The following LMBRD1 variants were observed in gnomAD, a reference collection of about 807,000 sequenced individuals.
LMBRD1 encodes the protein LMBR1 domain containing 1.
In LMBRD1, 64 loss-of-function variants were observed where a neutral mutation model predicts 74.8. The ratio of observed to expected loss-of-function variants is 0.86; its 90% CI spans 0.70 to 1.05. The LOEUF (loss-of-function observed/expected upper bound fraction) is 1.05. Among genes scored for constraint, LMBRD1 ranks in the 50% least tolerant of loss-of-function variants. The pLI, the probability that LMBRD1 is intolerant of heterozygous loss-of-function variation, is 0.00. For synonymous variants in LMBRD1, 204 were observed against 216.3 expected, an observed-to-expected ratio of 0.94 and a Z score of 0.50; for missense variants, 652 against 645.9, an observed-to-expected ratio of 1.01 and a Z score of -0.10.
intron 3 of LMBRD1, among the ~76,000 whole-genome samples, chr6:69,768,588 A>G (rs934130101): frequency 2.0e-5 from 3 of 152,048 alleles, no homozygotes; most frequent in African/African-American, 7.2e-5. Context: ...ATTACTTTAT[A>G]CAATCTTAAA....
Position 69,796,930 on chromosome 6 carries a change from G to GAGGGGGAAA in LMBRD1, c.-58_-50dup. The stretch of plus-strand genomic sequence containing the variant: ...CTGAGCGCCCGGGGTGGGGAAAGGG[G>GAGGGGGAAA]AGGGGGAAAGGGGAGAGAGCGCGAG... On this transcript the variant is annotated 5_prime_UTR_variant, in exon 1 of 16. Coordinates refer to ENST00000649934, the MANE Select transcript of LMBRD1 (RefSeq NM_018368.4). 6.5e-7 allele frequency: 1 copy of GAGGGGGAAA among 1,527,370 alleles called. No homozygotes were observed. Among genetic ancestry groups the GAGGGGGAAA allele is most frequent in the Non-Finnish European group, 9.0e-7 (1 of 1,106,748 alleles). The allele number at this position is 1,527,370 out of a possible 1,614,324, so 94.6% of individuals were successfully genotyped here.
At chr6:69,725,943 G>A (rs1206400172) in intron 7 of LMBRD1, among the ~76,000 whole-genome samples, 2 of 152,170 alleles carry the variant, frequency 1.3e-5, no homozygotes, top group Non-Finnish European at 1.5e-5. Flanking sequence ...ACACAATTAG[G>A]AGACAAGGCA....
chr6:69,737,989 T>C lies in LMBRD1; in HGVS notation c.589A>G (p.Ile197Val), dbSNP rs1161598786. 5 of 1,610,434 alleles carry C rather than the reference T, an allele frequency of 3.1e-6. No individual in the cohort carries two copies. Among genetic ancestry groups the C allele is most frequent in the East Asian group, 4.5e-5 (2 of 44,628 alleles). ...ATTCCAATCAAGGTCAGAGAACTGA[T>C]AGAAAATGACAATGCAGCTAAACCA... Reference protein sequence around the residue: ...SHGLAALSFSISSLTLIGMLA... With the variant: ...SHGLAALSFSVSSLTLIGMLA... Residue 197 changes from isoleucine to valine, a missense_variant, in exon 7 of 16, where the codon ATC becomes GTC. Coordinates refer to ENST00000649934, the MANE Select transcript of LMBRD1 (RefSeq NM_018368.4).
chr6:69,741,990 A>C, intron 5 of LMBRD1, 113 bp from the exon 6 acceptor site: 1 of 673,410 alleles, frequency 1.5e-6, no homozygotes, highest in Non-Finnish European at 2.6e-6. Flanking sequence ...AATCTGTACT[A>C]TGCACAGAGG....
At position 69,775,020 on chromosome 6, in the gene LMBRD1, AGG is replaced by A. The variant is rs1562121864; in HGVS notation, c.307+5472_307+5473del. ...GAGGGAGGGAGGGAGGGAGGGAGGG[AGG>A]GAGGGAGGGAGGGAAGGAAGGAAAA... On this transcript the variant is annotated intron_variant, in intron 3 of 15. Coordinates refer to ENST00000649934, the MANE Select transcript of LMBRD1 (RefSeq NM_018368.4). 1.4e-4 allele frequency among the ~76,000 whole-genome samples: 13 copies of A among 95,330 alleles called. 1 individual carries two copies. Among genetic ancestry groups the A allele is most frequent in the African/African-American group, 4.0e-4 (11 of 27,412 alleles). The allele number at this position is 95,330 out of a possible 152,430, so 62.5% of individuals were successfully genotyped here. A position where few individuals can be genotyped will look rare whatever the true frequency, so the allele number is the denominator to read the frequency against.
intron 5 of LMBRD1, among the ~76,000 whole-genome samples, chr6:69,745,448 C>T (rs903037990): frequency 4.0e-5 from 6 of 149,348 alleles, no homozygotes; most frequent in South Asian, 2.1e-4. Context: ...TTAGTAGAGA[C>T]GGGGTTTCAC....
At chr6:69,676,992 T>C (rs572679674) in intron 14 of LMBRD1, among the ~76,000 whole-genome samples, 2 of 152,274 alleles carry the variant, frequency 1.3e-5, no homozygotes, top group African/African-American at 4.8e-5. Flanking sequence ...TCCTCACCCA[T>C]TGTAAGTTTC....
intron 14 of LMBRD1, among the ~76,000 whole-genome samples, chr6:69,687,886 G>A (rs1022871188): frequency 4.6e-5 from 7 of 151,904 alleles, no homozygotes; most frequent in African/African-American, 7.3e-5. Flanking sequence ...ATGTTCTTCC[G>A]TCTAAAGAAC....
intron 12 of LMBRD1, 96 bp from the exon 13 acceptor site, chr6:69,699,288 A>T: frequency 9.3e-7 from 1 of 1,073,166 alleles, no homozygotes; most frequent in Non-Finnish European, 1.4e-6. Context: ...TACACAGTTC[A>T]ATCAACCATT....
chr6:69,789,559 TA>T (rs1352008489), intron 2 of LMBRD1, among the ~76,000 whole-genome samples: 3 of 151,032 alleles, frequency 2.0e-5, no homozygotes, highest in Non-Finnish European at 4.4e-5. Flanking sequence ...TAAAATAAAA[TA>T]AAAAATAAAA....
intron 3 of LMBRD1, among the ~76,000 whole-genome samples, chr6:69,763,234 G>GAAA (rs35769776): frequency 7.4e-6 from 1 of 135,492 alleles, no homozygotes; most frequent in Non-Finnish European, 1.6e-5. Context: ...AAAGAAAAAA[G>GAAA]AAAAAAAAAA....
chr6:69,686,418 G>A (rs1223753935), intron 14 of LMBRD1, among the ~76,000 whole-genome samples: 1 of 151,990 alleles, frequency 6.6e-6, no homozygotes, highest in Non-Finnish European at 1.5e-5. Flanking sequence ...TACACTATTA[G>A]TTCTCTATGA....
chr6:69,689,962 C>A (rs1052504466), intron 14 of LMBRD1, among the ~76,000 whole-genome samples: 1 of 152,046 alleles, frequency 6.6e-6, no homozygotes, highest in Non-Finnish European at 1.5e-5. Context: ...CCCATTCCCA[C>A]CCTAAGACAC....
Position 69,796,809 on chromosome 6 carries a change from C to CT in LMBRD1, c.69+3dup, listed in dbSNP as rs749916129. The stretch of plus-strand genomic sequence containing the variant: ...ATGGGGAAAACTCCAAGCGCCTCCC[C>CT]TACCAGTAGTAAGAGGCCGAATATG... On this transcript the variant is annotated splice_donor_region_variant and intron_variant, in intron 1 of 15. Coordinates refer to ENST00000649934, the MANE Select transcript of LMBRD1 (RefSeq NM_018368.4). 6.2e-7 allele frequency: 1 copy of CT among 1,613,528 alleles called. No homozygotes were observed. Among genetic ancestry groups the CT allele is most frequent in the East Asian group, 2.2e-5 (1 of 44,832 alleles).
intron 5 of LMBRD1, chr6:69,746,048 C>A: frequency 9.4e-6 from 2 of 212,854 alleles, no homozygotes; most frequent in South Asian, 1.7e-4. Flanking sequence ...AGGGCACTGT[C>A]AAGGCTGAGA....
intron 14 of LMBRD1, among the ~76,000 whole-genome samples, chr6:69,685,580 C>T (rs1161558329): frequency 1.3e-5 from 2 of 152,110 alleles, no homozygotes; most frequent in Admixed American, 1.3e-4. Context: ...GCGGGCAGAT[C>T]ACCTGAGGTC....
chr6:69,698,768 G>A (rs571457597), intron 13 of LMBRD1, among the ~76,000 whole-genome samples: 5 of 151,852 alleles, frequency 3.3e-5, no homozygotes, highest in Non-Finnish European at 7.4e-5. Flanking sequence ...AGTATTTTGA[G>A]TTTTAATAAA....
intron 4 of LMBRD1, among the ~76,000 whole-genome samples, chr6:69,750,699 C>T (rs967524292): frequency 1.3e-5 from 2 of 152,090 alleles, no homozygotes; most frequent in Admixed American, 1.3e-4. Context: ...TGAAAGAGAA[C>T]GCATACATCT....
At chr6:69,780,377 A>C (rs1273810505) in intron 3 of LMBRD1, 117 bp downstream of exon 3, 2 of 761,318 alleles carry the variant, frequency 2.6e-6, no homozygotes, top group Non-Finnish European at 4.8e-6. Flanking sequence ...ATGTGTGTCC[A>C]TGTCATTTTT....
Sources: gnomAD v4.1 joint callset for allele counts (sites outside exome capture counted in the v4.1 genomes callset) on GRCh38, gnomAD v4.1.1 for gene constraint, MANE v1.5 for transcripts, NCBI Gene and HGNC (gene_info 2026-07-23, HGNC 2026-07-21) for gene names.